Variants in TG observed in about 807,000 individuals in gnomAD.
TG encodes thyroid hormones.
A neutral mutation model predicts 324.7 loss-of-function variants in TG; 270 were observed. That is an observed-to-expected ratio of 0.83 (90% CI 0.75 to 0.92). The LOEUF (loss-of-function observed/expected upper bound fraction) is 0.92. Among genes scored for constraint, TG ranks in the 40% least tolerant of loss-of-function variants. The probability of loss-of-function intolerance (pLI) is 0.00; values close to 1 mark genes in which losing one functional copy is unlikely to be tolerated. For missense variants in TG, 3,591 were observed against 3,456.4 expected (o/e 1.04, Z -0.98); for synonymous variants, 1,401 against 1,327.0 (o/e 1.06, Z -1.21).
At chr8:132,995,864 G>A (rs1832827960) in intron 35 of TG, among the ~76,000 whole-genome samples, 1 of 152,196 alleles carries the variant, frequency 6.6e-6, no homozygotes, top group Non-Finnish European at 1.5e-5. Flanking sequence ...AATTTCCCTA[G>A]AAGCGTCTTT....
chr8:132,927,189 A>C (rs774465795), intron 22 of TG, among the ~76,000 whole-genome samples: 1 of 152,132 alleles, frequency 6.6e-6, no homozygotes, highest in Non-Finnish European at 1.5e-5. Flanking sequence ...TTGTGCCATC[A>C]TAATGTTATC....
chr8:132,939,663 G>T (rs201366680), intron 25 of TG, among the ~76,000 whole-genome samples: 8,247 of 125,358 alleles, frequency 0.066, 713 homozygotes, highest in African/African-American at 0.2. Flanking sequence ...AGTCTATGGG[G>T]TTTTTTTTTT....
intron 24 of TG, among the ~76,000 whole-genome samples, chr8:132,934,615 TTCC>T (rs1398508594): frequency 6.6e-6 from 1 of 152,226 alleles, no homozygotes; most frequent in Admixed American, 6.5e-5. Context: ...TCCAAGGCTC[TTCC>T]TCCTCTCCCC....
Position 132,882,555 on chromosome 8 carries a change from C to T in TG, c.832C>T (p.Arg278Trp), listed in dbSNP as rs373005597. The change falls in exon 7 of 48, where the codon CGG becomes TGG. Residue 278 changes from arginine to tryptophan, a missense_variant. Arg to Trp is a moderately radical substitution (Grantham distance 101). Coordinates refer to ENST00000220616, the MANE Select transcript of TG (RefSeq NM_003235.5). The part of the protein sequence containing the change: ...PSTFTETTLY[R>W]ILQRRFLAVQ... Reference sequence around the variant, plus strand: ...CACCTTCACTGAAACCACCCTGTACCGGATACTGCAGAGACGGTTCCTCGC... The same window carrying T: ...CACCTTCACTGAAACCACCCTGTACTGGATACTGCAGAGACGGTTCCTCGC... The T allele has an allele frequency of 5.6e-6, 9 of 1,614,056 alleles. No homozygotes were observed. Among genetic ancestry groups the T allele is most frequent in the Middle Eastern group, 1.6e-4 (1 of 6,084 alleles).
intron 41 of TG, among the ~76,000 whole-genome samples, chr8:133,090,311 G>A (rs1847289329): frequency 6.6e-6 from 1 of 152,210 alleles, no homozygotes; most frequent in South Asian, 2.1e-4. Context: ...CCTGGGTTTG[G>A]AGTTGGAACA....
chr8:133,013,647 C>T lies in TG; in HGVS notation c.6445C>T (p.Pro2149Ser). The T allele has an allele frequency of 6.2e-7, 1 of 1,614,198 alleles. No individual in the cohort carries two copies. The highest frequency in any genetic ancestry group is 8.5e-7 in the Non-Finnish European group (1 of 1,180,030). ...ACLITTLQTQ[P>S]GAVRCMFYAD... The stretch of plus-strand genomic sequence containing the variant: ...TCTCATCACCACTCTGCAAACCCAA[C>T]CTGGGGCTGTGAGATGTATGTTCTA... The change falls in exon 37 of 48, where the codon CCT becomes TCT. Residue 2149 changes from proline (P) to serine (S), a missense_variant. Pro to Ser is a moderately conservative substitution (Grantham distance 74). Transcript: ENST00000220616.
Position 133,017,807 on chromosome 8 carries a change from G to A in TG, c.6592G>A (p.Val2198Ile). ...GISLLSYEASVPSVPISTHGR... is the reference protein window; with the variant it reads ...GISLLSYEASIPSVPISTHGR... Reference sequence around the variant, plus strand: ...CTCTCTGCTCAGCTATGAGGCATCTGTACCTTCTGTGCCCATTTCCACCCA... The same window carrying A: ...CTCTCTGCTCAGCTATGAGGCATCTATACCTTCTGTGCCCATTTCCACCCA... The change falls in exon 38 of 48, where the codon GTA becomes ATA. Residue 2198 changes from valine (V) to isoleucine (I), a missense_variant. Val to Ile is a conservative substitution (Grantham distance 29, BLOSUM62 3). Transcript: ENST00000220616. The A allele has an allele frequency of 5.0e-6, 8 of 1,614,164 alleles. No individual in the cohort carries two copies. The highest frequency in any genetic ancestry group is 1.1e-5 in the South Asian group (1 of 91,088).
At position 132,963,090 on chromosome 8, in the gene TG, CCTT is replaced by C. The variant is rs764751338; in HGVS notation, c.5548+20_5548+22del. ...ACAGAAGCAGGTACTGACCCCCAAACCTTCTTACACACTTGGGTGTCTGAATGC... is the reference window on the plus strand; with the variant it reads ...ACAGAAGCAGGTACTGACCCCCAAACCTTACACACTTGGGTGTCTGAATGC... On this transcript the variant is annotated intron_variant, in intron 29 of 47. Coordinates refer to ENST00000220616, the MANE Select transcript of TG (RefSeq NM_003235.5). 3 of 1,613,038 alleles carry C rather than the reference CCTT, an allele frequency of 1.9e-6. No homozygotes were observed. The highest frequency in any genetic ancestry group is 1.7e-6 in the Non-Finnish European group (2 of 1,178,992).
At chr8:132,876,489 C>T (rs1404621940) in intron 5 of TG, among the ~76,000 whole-genome samples, 1 of 152,118 alleles carries the variant, frequency 6.6e-6, no homozygotes, top group Non-Finnish European at 1.5e-5. Context: ...CCTGGGGCCA[C>T]CAGAAGGCTG....
intron 2 of TG, 57 bp from the exon 3 acceptor site, chr8:132,869,672 C>A: frequency 1.4e-6 from 2 of 1,436,316 alleles, no homozygotes; most frequent in South Asian, 1.1e-5. Flanking sequence ...GAGTGGGAGC[C>A]GGCATGTGGC....
At chr8:132,887,744 T>C (rs961570899) in intron 9 of TG, among the ~76,000 whole-genome samples, 196 bp downstream of exon 9, 3 of 152,146 alleles carry the variant, frequency 2.0e-5, no homozygotes, top group African/African-American at 4.8e-5. Flanking sequence ...ATGGGGAGAT[T>C]TGTCTGGCCT....
At chr8:132,969,280 G>A (rs1208227895) in intron 31 of TG, among the ~76,000 whole-genome samples, 178 bp from the exon 32 acceptor site, 1 of 151,924 alleles carries the variant, frequency 6.6e-6, no homozygotes, top group Non-Finnish European at 1.5e-5. Flanking sequence ...AAAAATCTTT[G>A]TCCCTGTGGA....
chr8:133,099,655 T>C (rs1848956816), intron 43 of TG, among the ~76,000 whole-genome samples: 1 of 152,212 alleles, frequency 6.6e-6, no homozygotes, highest in African/African-American at 2.4e-5. Flanking sequence ...TGTTCTTCTG[T>C]AGTCTTCACC....
chr8:133,128,303 G>A (rs1256121310), intron 45 of TG, among the ~76,000 whole-genome samples: 8 of 143,216 alleles, frequency 5.6e-5, no homozygotes, highest in Admixed American at 2.2e-4. Flanking sequence ...CTCACTGGAC[G>A]GCATTCAAAT....
At chr8:133,056,140 T>C (rs1841410960) in intron 41 of TG, among the ~76,000 whole-genome samples, 1 of 152,306 alleles carries the variant, frequency 6.6e-6, no homozygotes, top group Non-Finnish European at 1.5e-5. Flanking sequence ...TTGACAGCAC[T>C]AGTTACTTGA....
intron 35 of TG, among the ~76,000 whole-genome samples, chr8:132,999,521 G>A (rs920203119): frequency 1.3e-5 from 2 of 152,112 alleles, no homozygotes; most frequent in African/African-American, 4.8e-5. Context: ...CCCAGGTGTG[G>A]ACTACCCACC....
At chr8:132,984,051 G>A (rs1831227902) in intron 35 of TG, among the ~76,000 whole-genome samples, 2 of 152,220 alleles carry the variant, frequency 1.3e-5, no homozygotes, top group African/African-American at 4.8e-5. Context: ...GTGAGGTGGA[G>A]GGGTCAGGAC....
At chr8:132,964,604 C>T in intron 29 of TG, 1 of 358,778 alleles carries the variant, frequency 2.8e-6, no homozygotes, top group Non-Finnish European at 5.1e-6. Flanking sequence ...AGTGATTGGT[C>T]TCATTGCTTT....
At chr8:133,126,043 C>G (rs776440072) in intron 45 of TG, among the ~76,000 whole-genome samples, 2 of 152,156 alleles carry the variant, frequency 1.3e-5, no homozygotes, top group Non-Finnish European at 2.9e-5. Context: ...GTCAGTTAGT[C>G]AGAAAAGTCA....
Sources: allele counts gnomAD v4.1 joint callset (sites outside exome capture counted in the v4.1 genomes callset), GRCh38; gene constraint gnomAD v4.1.1; transcripts MANE v1.5; gene names NCBI Gene and HGNC (gene_info 2026-07-23, HGNC 2026-07-21).